ANAPC10: variants seen among roughly 807,000 people sequenced by gnomAD.
ANAPC10 encodes the protein anaphase-promoting complex subunit 10.
Under a neutral mutation model 22.0 loss-of-function variants are expected in ANAPC10, and 12 were observed. The observed-to-expected ratio is 0.55, with a 90% CI of 0.35 to 0.88. The LOEUF (loss-of-function observed/expected upper bound fraction) is 0.88. Ranked by LOEUF, ANAPC10 falls within the 40% of genes least tolerant of loss-of-function variation. ANAPC10 has a pLI of 0.01. For synonymous variants in ANAPC10, 65 were observed against 69.5 expected (o/e 0.94, Z 0.32); for missense variants, 188 against 220.9 (o/e 0.85, Z 0.94).
intron 4 of ANAPC10, among the ~76,000 whole-genome samples, chr4:145,011,673 C>A (rs1285461968): frequency 6.6e-6 from 1 of 152,084 alleles, no homozygotes; most frequent in African/African-American, 2.4e-5. Flanking sequence ...GAGAAACATG[C>A]AGAGCTATTA....
intron 3 of ANAPC10, among the ~76,000 whole-genome samples, chr4:145,078,814 G>C (rs969295893): frequency 6.6e-6 from 1 of 152,118 alleles, no homozygotes; most frequent in Non-Finnish European, 1.5e-5. Context: ...AGGGATAACT[G>C]GCTAGCCATA....
At chr4:145,026,920 CATATATATATATATAT>C (rs150548781) in intron 4 of ANAPC10, among the ~76,000 whole-genome samples, 1 of 17,012 alleles carries the variant, frequency 5.9e-5, no homozygotes, top group Non-Finnish European at 1.5e-4. Flanking sequence ...CCTATACATA[CATATATATATATATAT>C]ATATATATAT....
At chr4:145,096,663 C>G (rs1748572186) in intron 1 of ANAPC10, among the ~76,000 whole-genome samples, 1 of 152,114 alleles carries the variant, frequency 6.6e-6, no homozygotes, top group African/African-American at 2.4e-5. Flanking sequence ...AAAAGTCAGA[C>G]TGAAATACTT....
At chr4:145,031,275 G>C (rs1737540063) in intron 4 of ANAPC10, among the ~76,000 whole-genome samples, 1 of 152,210 alleles carries the variant, frequency 6.6e-6, no homozygotes, top group Admixed American at 6.5e-5. Context: ...GATCCAGTGA[G>C]CAAGAAGTAG....
chr4:145,037,030 GTGTGTGTGTA>G (rs1381987821), intron 4 of ANAPC10, among the ~76,000 whole-genome samples: 2,448 of 142,094 alleles, frequency 0.017, 78 homozygotes, highest in African/African-American at 0.057. Flanking sequence ...GTGTGTGTGT[GTGTGTGTGTA>G]TGTGTGTGCA....
At chr4:145,096,220 A>G (rs556296112) in intron 1 of ANAPC10, 109 bp from the exon 2 acceptor site, 2 of 1,130,320 alleles carry the variant, frequency 1.8e-6, no homozygotes, top group East Asian at 4.8e-5. Context: ...GACATTAATC[A>G]TTTATTCTGA....
intron 4 of ANAPC10, among the ~76,000 whole-genome samples, chr4:145,054,743 G>A (rs1234397253): frequency 6.6e-6 from 1 of 151,282 alleles, no homozygotes; most frequent in Non-Finnish European, 1.5e-5. Flanking sequence ...TGGAACTCAG[G>A]AAAAAGTGGT....
chr4:144,995,455 T>A lies in ANAPC10; in HGVS notation c.476A>T (p.Tyr159Phe). 6.2e-7 allele frequency: 1 copy of A among 1,613,832 alleles called. No individual in the cohort carries two copies. The highest frequency in any genetic ancestry group is 8.5e-7 in the Non-Finnish European group (1 of 1,179,778). Residue 159 changes from tyrosine to phenylalanine, a missense_variant, in exon 5 of 5, where the codon TAC becomes TTC. Physicochemically the swap from Tyr to Phe is conservative, Grantham distance 22 (BLOSUM62 3). Coordinates refer to ENST00000507656, the MANE Select transcript of ANAPC10 (RefSeq NM_001256706.2). ...AATGGAGCTCTCTTCTACTGGTGTG[T>A]ATATTTTAATTTGTCTCATATGGGT... ...RDTHMRQIKI[Y>F]TPVEESSIGK...
intron 4 of ANAPC10, among the ~76,000 whole-genome samples, chr4:145,051,330 C>T (rs183453031): frequency 1.2e-4 from 18 of 152,166 alleles, no homozygotes; most frequent in East Asian, 5.8e-4. Context: ...TGGTTCATGG[C>T]GTCCCAAAAC....
intron 3 of ANAPC10, among the ~76,000 whole-genome samples, chr4:145,078,599 G>A (rs761121731): frequency 6.6e-6 from 1 of 152,078 alleles, no homozygotes; most frequent in Non-Finnish European, 1.5e-5. Flanking sequence ...AAAGCTGGAG[G>A]CATCACATTA....
In ANAPC10 at chr4:145,071,476, AT is replaced by A. The variant is rs1229166547; in HGVS notation, c.207-6785del. On this transcript the variant is annotated intron_variant, in intron 3 of 4. Coordinates refer to ENST00000507656, the MANE Select transcript of ANAPC10 (RefSeq NM_001256706.2). The stretch of plus-strand genomic sequence containing the variant: ...TTATATTTCACTACAAATAAAAAAA[AT>A]CTTTACTGTTTATTACTCACCATCT... Among the ~76,000 whole-genome samples, 16 of 152,300 alleles carry A rather than the reference AT, an allele frequency of 1.1e-4. No individual in the cohort carries two copies. The East Asian group carries it at 2.3e-3, about 22-fold the overall frequency.
intron 4 of ANAPC10, among the ~76,000 whole-genome samples, chr4:145,015,539 T>A (rs1734985500): frequency 6.8e-6 from 1 of 146,040 alleles, no homozygotes; most frequent in African/African-American, 2.5e-5. Context: ...AAGGAAAACT[T>A]CCTGGCCTTG....
intron 1 of ANAPC10, chr4:145,097,618 C>G: frequency 1.1e-6 from 1 of 935,536 alleles, no homozygotes; most frequent in South Asian, 1.4e-5. Flanking sequence ...GAGGCTTAAA[C>G]GCTCAATAAG....
intron 4 of ANAPC10, among the ~76,000 whole-genome samples, chr4:145,009,569 G>T (rs1348234992): frequency 3.9e-5 from 6 of 152,082 alleles, no homozygotes; most frequent in African/African-American, 1.5e-4. Context: ...CAAGAAATGG[G>T]GAAAGGATTC....
At chr4:145,037,025 T>C (rs1738660980) in intron 4 of ANAPC10, among the ~76,000 whole-genome samples, 1 of 144,658 alleles carries the variant, frequency 6.9e-6, no homozygotes, top group South Asian at 2.4e-4. Context: ...TGTGTGTGTG[T>C]GTGTGTGTGT....
chr4:145,070,954 G>A (rs1299545962), intron 3 of ANAPC10, among the ~76,000 whole-genome samples: 6 of 152,062 alleles, frequency 3.9e-5, no homozygotes, highest in Admixed American at 3.9e-4. Flanking sequence ...ATACACAGAG[G>A]CAAAAAATAA....
chr4:145,012,012 A>C (rs1453091390), intron 4 of ANAPC10, among the ~76,000 whole-genome samples: 1 of 152,088 alleles, frequency 6.6e-6, no homozygotes, highest in African/African-American at 2.4e-5. Context: ...TCCACTGCAA[A>C]GCAGCTTCCA....
chr4:145,033,600 G>A (rs556472321), intron 4 of ANAPC10, among the ~76,000 whole-genome samples: 2 of 152,286 alleles, frequency 1.3e-5, no homozygotes, highest in East Asian at 3.9e-4. Flanking sequence ...ATATTACTAT[G>A]CCCTGTGATT....
chr4:145,070,377 T>G (rs1438661979), intron 3 of ANAPC10, among the ~76,000 whole-genome samples: 1 of 152,190 alleles, frequency 6.6e-6, no homozygotes, highest in African/African-American at 2.4e-5. Flanking sequence ...CAGTCATTTC[T>G]CTGAAGAAGA....
Sources: gnomAD v4.1 joint callset for allele counts (sites outside exome capture counted in the v4.1 genomes callset) on GRCh38, gnomAD v4.1.1 for gene constraint, MANE v1.5 for transcripts, NCBI Gene and HGNC (gene_info 2026-07-23, HGNC 2026-07-21) for gene names.